Variants in SHANK2 observed in about 807,000 individuals in gnomAD.
SHANK2 encodes SH3 and multiple ankyrin repeat domains protein 2.
Under a neutral mutation model 133.7 loss-of-function variants are expected in SHANK2, and 43 were observed. The observed-to-expected ratio is 0.32, with a 90% CI of 0.25 to 0.41. SHANK2 has a LOEUF of 0.41. Among genes scored for constraint, SHANK2 ranks in the 10% least tolerant of loss-of-function variants. The probability of loss-of-function intolerance (pLI) is 1.00; values close to 1 mark genes in which losing one functional copy is unlikely to be tolerated. For missense variants in SHANK2, 1,994 were observed against 2,235.8 expected (o/e 0.89, Z 2.18); for synonymous variants, 1,017 against 952.8 (o/e 1.07, Z -1.24).
At chr11:70,733,454 T>C (rs1946332064) in intron 14 of SHANK2, among the ~76,000 whole-genome samples, 2 of 152,228 alleles carry the variant, frequency 1.3e-5, no homozygotes, top group African/African-American at 2.4e-5. Flanking sequence ...GCTCCATCCC[T>C]TTCTGGAGGC....
intron 14 of SHANK2, among the ~76,000 whole-genome samples, chr11:70,777,464 A>T (rs1947391187): frequency 6.7e-6 from 1 of 149,296 alleles, no homozygotes; most frequent in South Asian, 2.1e-4. Flanking sequence ...CAACCCTGCT[A>T]GCCCATTCAT....
chr11:70,915,174 C>G (rs985921255), intron 10 of SHANK2, among the ~76,000 whole-genome samples: 1 of 152,100 alleles, frequency 6.6e-6, no homozygotes, highest in African/African-American at 2.4e-5. Flanking sequence ...AATATGATCC[C>G]TCAAAAATAC....
rs117374940 is a variant in SHANK2 at position 71,140,720 on chromosome 11, C to T, written c.207+6400G>A. Among the ~76,000 whole-genome samples, 174 of 152,340 alleles carry T rather than the reference C, an allele frequency of 1.1e-3. 2 individuals carry two copies. The East Asian group carries it at 0.026, about 23-fold the overall frequency. ...TCACTTCACAAGTGGTGTTTGTTCC[C>T]GACAGGTGGAACCCCGAGGCTCAGA... On this transcript the variant is annotated intron_variant, in intron 3 of 25. Transcript: ENST00000601538.
intron 17 of SHANK2, among the ~76,000 whole-genome samples, chr11:70,536,423 G>A (rs1456633878): frequency 5.9e-5 from 9 of 152,174 alleles, no homozygotes; most frequent in Non-Finnish European, 1.3e-4. Flanking sequence ...AAGTGTGGCT[G>A]TGCACCCCAG....
At chr11:70,712,554 C>T (rs1054549328) in intron 14 of SHANK2, among the ~76,000 whole-genome samples, 11 of 152,348 alleles carry the variant, frequency 7.2e-5, no homozygotes, top group African/African-American at 2.2e-4. Flanking sequence ...GGCAGAGAAG[C>T]GGCTTCCAGG....
chr11:71,089,158 T>C (rs1333461118), intron 8 of SHANK2, among the ~76,000 whole-genome samples: 1 of 152,170 alleles, frequency 6.6e-6, no homozygotes, highest in Non-Finnish European at 1.5e-5. Flanking sequence ...TTGGGACAGC[T>C]CCCAACACAG....
At chr11:71,155,146 C>T (rs558511762) in intron 2 of SHANK2, among the ~76,000 whole-genome samples, 13 of 95,420 alleles carry the variant, frequency 1.4e-4, no homozygotes, top group African/African-American at 5.2e-4. Context: ...CCCACGCTCC[C>T]GGAGGAGGAG....
chr11:70,680,724 A>G (rs1555018196), intron 15 of SHANK2, among the ~76,000 whole-genome samples: 1 of 152,038 alleles, frequency 6.6e-6, no homozygotes, highest in Non-Finnish European at 1.5e-5. Context: ...TGGCCATGCC[A>G]CCCCAGCCTC....
chr11:70,882,618 G>A lies in SHANK2; in HGVS notation c.1174+13883C>T, dbSNP rs950911801. Reference sequence around the variant, plus strand: ...CAGAAGCAGGCTTAGGTCAGAGGTAGGGCAGACCCCAAAACTTGCTTGCAA... The same window carrying A: ...CAGAAGCAGGCTTAGGTCAGAGGTAAGGCAGACCCCAAAACTTGCTTGCAA... On this transcript the variant is annotated intron_variant, in intron 11 of 25. Transcript: ENST00000601538. The surrounding 1 kb of genome is among the most constrained non-coding windows in gnomAD (Gnocchi z 4.2). Among the ~76,000 whole-genome samples the A allele has an allele frequency of 7.2e-5, 11 of 152,146 alleles. No individual in the cohort carries two copies. Among genetic ancestry groups the A allele is most frequent in the Admixed American group, 7.2e-4 (11 of 15,272 alleles).
At chr11:71,165,187 C>T (rs781926904) in intron 2 of SHANK2, among the ~76,000 whole-genome samples, 3 of 152,048 alleles carry the variant, frequency 2.0e-5, no homozygotes, top group Non-Finnish European at 4.4e-5. Flanking sequence ...GCATGTGCCA[C>T]CACACCCAGC....
intron 17 of SHANK2, among the ~76,000 whole-genome samples, chr11:70,631,408 A>ACCCC (rs536367218): frequency 1.5e-4 from 22 of 148,916 alleles, no homozygotes; most frequent in African/African-American, 4.7e-4. Flanking sequence ...ACACACACAC[A>ACCCC]CCCACACAAC....
chr11:70,662,013 A>G (rs1820225435), intron 15 of SHANK2: 4 of 568,898 alleles, frequency 7.0e-6, no homozygotes, highest in South Asian at 5.8e-5. Context: ...GACGCCGCCC[A>G]GGGCAAAGAA....
intron 9 of SHANK2, among the ~76,000 whole-genome samples, chr11:71,060,836 T>C (rs1950978538): frequency 6.6e-6 from 1 of 152,150 alleles, no homozygotes; most frequent in Non-Finnish European, 1.5e-5. Context: ...GCAGCCGATA[T>C]AGGGTGACGC....
At chr11:70,519,595 C>T (rs560501997) in intron 17 of SHANK2, among the ~76,000 whole-genome samples, 7 of 151,942 alleles carry the variant, frequency 4.6e-5, no homozygotes, top group Admixed American at 3.3e-4. Flanking sequence ...TGCCATAAGC[C>T]GAGATCGCAC....
chr11:70,631,852 A>G (rs1444669345), intron 17 of SHANK2: 2 of 152,230 alleles, frequency 1.3e-5, no homozygotes, highest in Non-Finnish European at 2.9e-5. Context: ...TAATTGGATC[A>G]CGCCCGGCCC....
At chr11:70,542,917 C>A (rs980864155) in intron 17 of SHANK2, among the ~76,000 whole-genome samples, 5 of 152,180 alleles carry the variant, frequency 3.3e-5, no homozygotes, top group Non-Finnish European at 7.3e-5. Flanking sequence ...ACTGTCCCCC[C>A]ATCTGGAGAT....
chr11:71,075,529 C>G (rs1017190851), intron 8 of SHANK2, among the ~76,000 whole-genome samples: 59 of 152,292 alleles, frequency 3.9e-4, no homozygotes, highest in Admixed American at 2.1e-3. Context: ...AGTTGTGAGA[C>G]AGAGGGTCTG....
At chr11:71,083,748 C>A (rs902514955) in intron 8 of SHANK2, among the ~76,000 whole-genome samples, 1 of 152,142 alleles carries the variant, frequency 6.6e-6, no homozygotes. Flanking sequence ...CCAGGGCCAG[C>A]GTGCTGTGAA....
intron 17 of SHANK2, among the ~76,000 whole-genome samples, chr11:70,513,536 G>A (rs1591524117): frequency 1.3e-5 from 2 of 152,196 alleles, no homozygotes; most frequent in East Asian, 3.8e-4. Flanking sequence ...TAACATTCAC[G>A]AAATTTGGGA....
Sources: gnomAD v4.1 joint callset for allele counts (sites outside exome capture counted in the v4.1 genomes callset) on GRCh38, gnomAD v4.1.1 for gene constraint, Gnocchi (gnomAD v3.1) non-coding constraint, MANE v1.5 for transcripts, NCBI Gene and HGNC (gene_info 2026-07-23, HGNC 2026-07-21) for gene names.